The following THSD7B variants were observed in gnomAD, a reference collection of about 807,000 sequenced individuals.
THSD7B encodes the protein thrombospondin type-1 domain-containing protein 7B.
Under a neutral mutation model 213.6 loss-of-function variants are expected in THSD7B, and 138 were observed. The ratio of observed to expected loss-of-function variants is 0.65; its 90% confidence interval spans 0.56 to 0.74. The LOEUF (loss-of-function observed/expected upper bound fraction) is 0.74. Among genes scored for constraint, THSD7B ranks in the 30% least tolerant of loss-of-function variants. The probability of loss-of-function intolerance (pLI) is 0.00; values close to 1 mark genes in which losing one functional copy is unlikely to be tolerated. For synonymous variants in THSD7B, 742 were observed against 687.0 expected, an observed-to-expected ratio of 1.08 and a Z score of -1.25; for missense variants, 1,931 against 1,991.5, an observed-to-expected ratio of 0.97 and a Z score of 0.58.
At chr2:137,347,444 C>T (rs116377039) in intron 12 of THSD7B, among the ~76,000 whole-genome samples, 1,840 of 151,492 alleles carry the variant, frequency 0.012, 16 homozygotes, top group Non-Finnish European at 0.019. Flanking sequence ...ACAACAGAAG[C>T]AGTAGAAAGT....
intron 21 of THSD7B, among the ~76,000 whole-genome samples, chr2:137,651,722 T>G (rs941423232): frequency 7.9e-5 from 12 of 152,098 alleles, no homozygotes; most frequent in African/African-American, 2.9e-4. Context: ...AATACTGCTT[T>G]TGCTGTATCT....
intron 5 of THSD7B, among the ~76,000 whole-genome samples, chr2:137,125,257 C>T (rs1688611951): frequency 6.6e-6 from 1 of 152,104 alleles, no homozygotes; most frequent in East Asian, 1.9e-4. Context: ...AGCATTTTAC[C>T]AGTAGTAGAA....
At chr2:137,087,950 G>T (rs1687871215) in intron 3 of THSD7B, among the ~76,000 whole-genome samples, 1 of 151,918 alleles carries the variant, frequency 6.6e-6, no homozygotes, top group Admixed American at 6.6e-5. Context: ...GTATAAAATA[G>T]GTACACAGGC....
chr2:136,929,184 C>T (rs1487638266), intron 2 of THSD7B, among the ~76,000 whole-genome samples: 1 of 152,148 alleles, frequency 6.6e-6, no homozygotes, highest in African/African-American at 2.4e-5. Flanking sequence ...TGCCCGTTTG[C>T]TCTGTTTCTT....
chr2:137,126,300 C>T (rs1342444018), intron 5 of THSD7B, among the ~76,000 whole-genome samples: 1 of 152,166 alleles, frequency 6.6e-6, no homozygotes, highest in Non-Finnish European at 1.5e-5. Context: ...TCCAGTGTAG[C>T]CACCTTCATC....
chr2:137,071,721 T>C (rs1687492761), intron 3 of THSD7B, among the ~76,000 whole-genome samples: 1 of 152,310 alleles, frequency 6.6e-6, no homozygotes, highest in South Asian at 2.1e-4. Context: ...GGTTTTCTTC[T>C]AGGGTTTTTA....
intron 14 of THSD7B, among the ~76,000 whole-genome samples, chr2:137,427,416 A>G (rs1687083610): frequency 1.3e-5 from 2 of 152,094 alleles, no homozygotes; most frequent in Admixed American, 6.6e-5. Context: ...GTCTGTTGAC[A>G]GATGAATGGA....
intron 10 of THSD7B, among the ~76,000 whole-genome samples, chr2:137,245,927 C>G (rs577226796): frequency 1.3e-5 from 2 of 152,060 alleles, no homozygotes; most frequent in Non-Finnish European, 2.9e-5. Context: ...TTCAATAGAC[C>G]GAAATGGGGC....
Position 137,061,377 on chromosome 2 carries a change from A to G in THSD7B, c.950+4147A>G, listed in dbSNP as rs545075815. Among the ~76,000 whole-genome samples, 27 of 150,624 alleles carry G rather than the reference A, an allele frequency of 1.8e-4. No homozygotes were observed. In the East Asian group the frequency reaches 2.9e-3, roughly 16 times the overall value. On this transcript the variant is annotated intron_variant, in intron 3 of 27. Transcript: ENST00000409968. ...TTTATTTTATTTTCTTGTCTTCATT[A>G]GCCAAGACTTCCAGTACAATGTTAT...
At chr2:136,992,185 CTG>C (rs1483992473) in intron 2 of THSD7B, among the ~76,000 whole-genome samples, 1 of 152,202 alleles carries the variant, frequency 6.6e-6, no homozygotes, top group Non-Finnish European at 1.5e-5. Context: ...CCTGACTAAA[CTG>C]TCTTTGTTTC....
chr2:137,131,909 C>T (rs1474335576), intron 5 of THSD7B, among the ~76,000 whole-genome samples: 3 of 151,820 alleles, frequency 2.0e-5, no homozygotes, highest in Non-Finnish European at 4.4e-5. Context: ...TTTTCCAATT[C>T]TGTGAAGAAA....
Position 136,858,187 on chromosome 2 carries a change from A to G in THSD7B, c.-35-23957A>G, listed in dbSNP as rs114983796. Among the ~76,000 whole-genome samples the G allele has an allele frequency of 2.7e-3, 416 of 152,382 alleles. 2 individuals carry two copies. Among genetic ancestry groups the G allele is most frequent in the African/African-American group, 9.7e-3 (402 of 41,588 alleles). ...ATTTAGATATGTTAATTAAAAATAC[A>G]TTTAAAGCGATGATTATTAAATAAA... On this transcript the variant is annotated intron_variant, in intron 1 of 27. Coordinates refer to ENST00000409968, the MANE Select transcript of THSD7B (RefSeq NM_001316349.2).
chr2:137,639,702 G>A (rs755115811), intron 20 of THSD7B, among the ~76,000 whole-genome samples: 18 of 152,134 alleles, frequency 1.2e-4, no homozygotes, highest in Non-Finnish European at 1.2e-4. Context: ...CACCTTTTGC[G>A]TCAGTGTGAC....
At chr2:137,008,764 G>A (rs1195995155) in intron 2 of THSD7B, among the ~76,000 whole-genome samples, 1 of 152,102 alleles carries the variant, frequency 6.6e-6, no homozygotes, top group Admixed American at 6.5e-5. Flanking sequence ...AAAATCACTT[G>A]CTTATGAAGG....
At chr2:136,955,110 T>C (rs1305340905) in intron 2 of THSD7B, among the ~76,000 whole-genome samples, 1 of 152,196 alleles carries the variant, frequency 6.6e-6, no homozygotes, top group Non-Finnish European at 1.5e-5. Context: ...ATGCTAACAA[T>C]GCAGAAACGA....
Position 137,479,826 on chromosome 2 carries a change from G to GTAGC in THSD7B, c.3138+28805_3138+28808dup, listed in dbSNP as rs1285431311. On this transcript the variant is annotated intron_variant, in intron 15 of 27. Coordinates refer to ENST00000409968, the MANE Select transcript of THSD7B (RefSeq NM_001316349.2). ...TAAGGCCTCAAACTGGTGCTATGCTGTAGCTGTAGCTGCTTGGGACTCAGA... is the reference window on the plus strand; with the variant it reads ...TAAGGCCTCAAACTGGTGCTATGCTGTAGCTAGCTGTAGCTGCTTGGGACTCAGA... Among the ~76,000 whole-genome samples the GTAGC allele has an allele frequency of 8.5e-5, 13 of 152,304 alleles. 1 individual carries two copies. In the South Asian group the frequency reaches 2.7e-3, roughly 32 times the overall value.
At chr2:137,191,763 AG>A (rs779644310) in intron 7 of THSD7B, among the ~76,000 whole-genome samples, 1 of 152,072 alleles carries the variant, frequency 6.6e-6, no homozygotes, top group Non-Finnish European at 1.5e-5. Context: ...GCCTGTGCAC[AG>A]GCTTACACAG....
chr2:136,920,171 C>A (rs1218780669), intron 2 of THSD7B, among the ~76,000 whole-genome samples: 1 of 152,208 alleles, frequency 6.6e-6, no homozygotes, highest in African/African-American at 2.4e-5. Context: ...AAGTTCTTGT[C>A]CCATGTTCAG....
At chr2:137,192,437 A>G (rs1680675733) in intron 7 of THSD7B, among the ~76,000 whole-genome samples, 1 of 152,166 alleles carries the variant, frequency 6.6e-6, no homozygotes, top group South Asian at 2.1e-4. Context: ...GGGCTGGGGG[A>G]ATTCTCCTGA....
Sources: allele counts gnomAD v4.1 joint callset (sites outside exome capture counted in the v4.1 genomes callset), GRCh38; gene constraint gnomAD v4.1.1; transcripts MANE v1.5; gene names NCBI Gene and HGNC (gene_info 2026-07-23, HGNC 2026-07-21).